Variants in DAP3 observed in about 807,000 individuals in gnomAD.
DAP3 encodes the protein death associated protein 3.
Under a neutral mutation model 51.9 loss-of-function variants are expected in DAP3, and 28 were observed. That is an observed-to-expected ratio of 0.54 (90% CI 0.40 to 0.74). The LOEUF (loss-of-function observed/expected upper bound fraction) is 0.74, where lower values mean the gene tolerates loss of function less well. DAP3 is among the 30% of genes least tolerant of loss of function. The pLI, the probability that DAP3 is intolerant of heterozygous loss-of-function variation, is 0.00. For synonymous variants in DAP3, 170 were observed against 170.3 expected, an observed-to-expected ratio of 1.00 and a Z score of 0.01; for missense variants, 458 against 483.5, an observed-to-expected ratio of 0.95 and a Z score of 0.49.
At chr1:155,688,350 G>A (rs1652957467), upstream of DAP3, 1 of 1,548,334 alleles carries the variant, frequency 6.5e-7, no homozygotes, top group Admixed American at 2.0e-5. Flanking sequence ...CAGAGTGGCC[G>A]CGGCAGCTCC....
At chr1:155,718,786 C>T (rs1300456977) in intron 3 of DAP3, among the ~76,000 whole-genome samples, 3 of 151,564 alleles carry the variant, frequency 2.0e-5, no homozygotes, top group Admixed American at 1.3e-4. Flanking sequence ...ATACCATTCA[C>T]CTCTTTTCAC....
In DAP3 at chr1:155,717,005, G is replaced by A. The variant is rs1557781392; in HGVS notation, c.46-1G>A. ...TAACACTGAAATGGTTTCTCTTATA[G>A]TTGGACCCTGGGCGTTTTTTACACA... On this transcript the variant is annotated splice_acceptor_variant, in intron 2 of 12. Coordinates refer to ENST00000368336, the MANE Select transcript of DAP3 (RefSeq NM_004632.4). LOFTEE classifies it high-confidence loss of function. 6.2e-7 allele frequency: 1 copy of A among 1,612,794 alleles called. No individual in the cohort carries two copies. Among genetic ancestry groups the A allele is most frequent in the Non-Finnish European group, 8.5e-7 (1 of 1,179,656 alleles).
At chr1:155,704,296 G>A (rs1004737542) in intron 1 of DAP3, among the ~76,000 whole-genome samples, 2 of 152,190 alleles carry the variant, frequency 1.3e-5, no homozygotes, top group African/African-American at 4.8e-5. Context: ...TACACGTTCT[G>A]ACCGTCATTT....
Position 155,738,289 on chromosome 1 carries a change from C to T in DAP3, c.*47C>T. On this transcript the variant is annotated 3_prime_UTR_variant, in exon 13 of 13. Coordinates refer to ENST00000368336, the MANE Select transcript of DAP3 (RefSeq NM_004632.4). The stretch of plus-strand genomic sequence containing the variant: ...GAAGACAGTGGACATCTGCTTTATG[C>T]TGGACCCAGTAAGATGAGGAAGTCG... 6.2e-7 allele frequency: 1 copy of T among 1,601,530 alleles called. No homozygotes were observed. The highest frequency in any genetic ancestry group is 8.5e-7 in the Non-Finnish European group (1 of 1,170,110).
rs1314682600 is a variant in DAP3 at position 155,725,359 on chromosome 1, T to C, written c.271-23T>C. 6.2e-6 allele frequency: 10 copies of C among 1,610,608 alleles called. No homozygotes were observed. The South Asian group carries it at 8.8e-5, about 14-fold the overall frequency. ...CACTCCTTCCACACCCACCCACTCT[T>C]TCCTTCTTTCCTACTTTATCAGGTG... On this transcript the variant is annotated intron_variant, in intron 4 of 12. Transcript: ENST00000368336.
At chr1:155,692,258 A>G (rs1483138411) in intron 1 of DAP3, among the ~76,000 whole-genome samples, 1 of 141,706 alleles carries the variant, frequency 7.1e-6, no homozygotes, top group Non-Finnish European at 1.5e-5. Flanking sequence ...GCATGGGAAC[A>G]TAATGGCGAT....
intron 11 of DAP3, among the ~76,000 whole-genome samples, chr1:155,733,313 A>G (rs1341500635): frequency 6.6e-6 from 1 of 152,112 alleles, no homozygotes; most frequent in African/African-American, 2.4e-5. Context: ...TAAAGTTATT[A>G]TTTTGCTTTG....
At chr1:155,688,623 T>C (rs1653092781), upstream of DAP3, 2 of 1,534,212 alleles carry the variant, frequency 1.3e-6, no homozygotes, top group Non-Finnish European at 1.7e-6. Context: ...CCTCAGACCC[T>C]GTCAAGCCGG....
At chr1:155,693,126 C>G (rs1024115208) in intron 1 of DAP3, among the ~76,000 whole-genome samples, 2 of 141,746 alleles carry the variant, frequency 1.4e-5, no homozygotes, top group Non-Finnish European at 2.9e-5. Flanking sequence ...AAACCGGTAT[C>G]TAAACTCCTC....
intron 4 of DAP3, among the ~76,000 whole-genome samples, chr1:155,724,539 A>G (rs1658349109): frequency 6.6e-6 from 1 of 151,832 alleles, no homozygotes; most frequent in Non-Finnish European, 1.5e-5. Flanking sequence ...AGACTGAGGC[A>G]GAAGAATTGC....
chr1:155,693,272 G>T (rs1427953657), intron 1 of DAP3, among the ~76,000 whole-genome samples: 1 of 141,824 alleles, frequency 7.1e-6, no homozygotes, highest in Admixed American at 6.6e-5. Flanking sequence ...ATAAAAGGAG[G>T]CTTGACACAG....
At chr1:155,688,435 C>G, upstream of DAP3, 2 of 1,547,500 alleles carry the variant, frequency 1.3e-6, no homozygotes, top group Non-Finnish European at 1.7e-6. Flanking sequence ...TTCTTCCCCA[C>G]GGTCCCCCGC....
upstream of DAP3, chr1:155,688,670 C>G: frequency 6.5e-7 from 1 of 1,532,770 alleles, no homozygotes; most frequent in South Asian, 1.2e-5. Flanking sequence ...TTCAGCGGCG[C>G]GAGCCCAAGC....
intron 4 of DAP3, among the ~76,000 whole-genome samples, chr1:155,724,490 C>CTGGCA (rs1658345393): frequency 6.6e-6 from 1 of 151,590 alleles, no homozygotes; most frequent in African/African-American, 2.4e-5. Context: ...AAAAATCAGC[C>CTGGCA]TGGCATGGTG....
upstream of DAP3, chr1:155,688,459 G>C (rs979997894): frequency 5.8e-6 from 9 of 1,549,356 alleles, no homozygotes; most frequent in East Asian, 1.7e-4. Flanking sequence ...GCCCGACTCC[G>C]GCCATGTAGC....
At chr1:155,688,892 A>T (rs1025524201), upstream of DAP3, 3 of 1,612,124 alleles carry the variant, frequency 1.9e-6, no homozygotes, top group Non-Finnish European at 1.7e-6. Flanking sequence ...TTTGACTGGA[A>T]TTGCCAGGGT....
rs879023821 is a variant in DAP3, at chr1:155,721,541, G to C, written c.193G>C (p.Gly65Arg). 1 of 1,613,702 alleles carries C rather than the reference G, an allele frequency of 6.2e-7. No individual in the cohort carries two copies. The highest frequency in any genetic ancestry group is 1.3e-5 in the African/African-American group (1 of 74,792). Residue 65 changes from glycine (G) to arginine (R), a missense_variant, in exon 4 of 13, where the codon GGT becomes CGT. Transcript: ENST00000368336. ...DPAKHGDQHEGQHYNISPQDL... is the reference protein window; with the variant it reads ...DPAKHGDQHERQHYNISPQDL... ...GGCCAAGCATGGGGATCAGCACGAGGGTCAGCACTACAACATCTCCCCCCA... is the reference window on the plus strand; with the variant it reads ...GGCCAAGCATGGGGATCAGCACGAGCGTCAGCACTACAACATCTCCCCCCA...
intron 9 of DAP3, among the ~76,000 whole-genome samples, chr1:155,730,118 ATT>A (rs34633794): frequency 1.5e-5 from 2 of 135,228 alleles, no homozygotes; most frequent in African/African-American, 7.0e-5. Context: ...ATTCATATAT[ATT>A]TATATATACA....
chr1:155,734,272 A>G (rs1026517864), intron 11 of DAP3, among the ~76,000 whole-genome samples: 2 of 152,034 alleles, frequency 1.3e-5, no homozygotes, highest in Non-Finnish European at 1.5e-5. Flanking sequence ...CAGTAGCACC[A>G]TCATAGCTCA....
Sources: gnomAD v4.1 joint callset for allele counts (sites outside exome capture counted in the v4.1 genomes callset) on GRCh38, gnomAD v4.1.1 for gene constraint, MANE v1.5 for transcripts, NCBI Gene and HGNC (gene_info 2026-07-23, HGNC 2026-07-21) for gene names.